CAPN13: variants seen among roughly 807,000 people sequenced by gnomAD.
The protein encoded by CAPN13 is calpain 13, also known as calpain-13.
A neutral mutation model predicts 98.4 loss-of-function variants in CAPN13; 90 were observed. That is an observed-to-expected ratio of 0.92 (90% confidence interval 0.77 to 1.09). The LOEUF is 1.09. Ranked by LOEUF, CAPN13 falls within the 50% of genes least tolerant of loss-of-function variation. The pLI is 0.00. For missense variants in CAPN13, 887 were observed against 841.3 expected (o/e 1.05, Z -0.67); for synonymous variants, 330 against 305.5 (o/e 1.08, Z -0.84).
intron 2 of CAPN13, among the ~76,000 whole-genome samples, chr2:30,781,014 C>A (rs1243062957): frequency 6.6e-6 from 1 of 152,224 alleles, no homozygotes; most frequent in East Asian, 1.9e-4. Flanking sequence ...AATGGGCAGT[C>A]TCCAGCCGAC....
At chr2:30,734,644 G>T in intron 18 of CAPN13, 120 bp from the exon 19 acceptor site, 1 of 750,326 alleles carries the variant, frequency 1.3e-6, no homozygotes, top group Non-Finnish European at 2.3e-6. Context: ...CAGCACTGAG[G>T]ACTGGGAGGA....
chr2:30,776,582 G>A (rs1179711894), intron 3 of CAPN13, among the ~76,000 whole-genome samples: 1 of 152,158 alleles, frequency 6.6e-6, no homozygotes, highest in African/African-American at 2.4e-5. Flanking sequence ...TACAATTGAG[G>A]AAAACTGATT....
intron 2 of CAPN13, among the ~76,000 whole-genome samples, chr2:30,782,712 G>A (rs537768172): frequency 1.6e-4 from 25 of 152,304 alleles, no homozygotes; most frequent in African/African-American, 5.8e-4. Context: ...GTTAAGCAAC[G>A]TGCTTGGGGC....
At chr2:30,724,561 C>A (rs887669792) in intron 22 of CAPN13, among the ~76,000 whole-genome samples, 1 of 152,148 alleles carries the variant, frequency 6.6e-6, no homozygotes, top group Non-Finnish European at 1.5e-5. Flanking sequence ...TTGGTTTATG[C>A]CCTTGGAGTG....
chr2:30,767,141 G>A (rs1271011854), intron 5 of CAPN13, among the ~76,000 whole-genome samples: 1 of 152,204 alleles, frequency 6.6e-6, no homozygotes. Context: ...ATCTGCATGT[G>A]ATCTTGGGCC....
chr2:30,764,424 G>T, intron 5 of CAPN13, 118 bp from the exon 6 acceptor site: 1 of 1,071,348 alleles, frequency 9.3e-7, no homozygotes, highest in Non-Finnish European at 1.3e-6. Context: ...GTCCACTCCT[G>T]ATCATGGCCA....
chr2:30,791,370 C>CAT (rs1558343848), intron 1 of CAPN13, among the ~76,000 whole-genome samples: 3 of 152,186 alleles, frequency 2.0e-5, no homozygotes, highest in African/African-American at 7.2e-5. Flanking sequence ...AGGCCTGGCA[C>CAT]ATAGTAGGTA....
intron 4 of CAPN13, among the ~76,000 whole-genome samples, chr2:30,771,510 A>G (rs12477136): frequency 0.59 from 89,545 of 152,106 alleles, 27,436 homozygotes; most frequent in African/African-American, 0.74. Flanking sequence ...GCACTGTGGC[A>G]GGTTCTGCAC....
chr2:30,786,302 A>G (rs577779762), intron 2 of CAPN13, among the ~76,000 whole-genome samples: 51 of 152,334 alleles, frequency 3.3e-4, no homozygotes, highest in Admixed American at 1.6e-3. Context: ...ATTCTAGGTT[A>G]TGCTGGTGCC....
intron 1 of CAPN13, among the ~76,000 whole-genome samples, chr2:30,796,387 T>G (rs903995661): frequency 9.9e-5 from 15 of 151,860 alleles, no homozygotes; most frequent in African/African-American, 3.4e-4. Context: ...TAGAATACAG[T>G]GTAGTAAATA....
intron 10 of CAPN13, among the ~76,000 whole-genome samples, chr2:30,751,709 A>C (rs17010141): frequency 0.084 from 12,859 of 152,264 alleles, 830 homozygotes; most frequent in East Asian, 0.24. Flanking sequence ...GAGCGAGCTA[A>C]TGTGAAAACC....
chr2:30,732,484 G>A lies in CAPN13; in HGVS notation c.1881C>T (p.Ser627=). 6.2e-7 allele frequency: 1 copy of A among 1,613,388 alleles called. No individual in the cohort carries two copies. Among genetic ancestry groups the A allele is most frequent in the East Asian group, 2.2e-5 (1 of 44,866 alleles). Residue 627 remains serine, a synonymous_variant, in exon 20 of 23, where the codon AGC becomes AGT. Transcript: ENST00000295055. ...TCAGGAAGCAGACCAGGCTGGGGAA[G>A]CTGACCCTGCCGACGCTGTCGCTGT... ...LRYSDSVGRV[S]FPSLVCFLMR...
intron 22 of CAPN13, among the ~76,000 whole-genome samples, 158 bp from the exon 23 acceptor site, chr2:30,723,394 A>T (rs1016282412): frequency 6.6e-6 from 1 of 152,166 alleles, no homozygotes; most frequent in African/African-American, 2.4e-5. Context: ...GGCAAGGCTG[A>T]CAGACCCCAA....
At chr2:30,802,835 G>A (rs550128806) in intron 1 of CAPN13, among the ~76,000 whole-genome samples, 1 of 152,308 alleles carries the variant, frequency 6.6e-6, no homozygotes, top group African/African-American at 2.4e-5. Flanking sequence ...CACCCCTCTT[G>A]CTGTCTGGCC....
intron 5 of CAPN13, among the ~76,000 whole-genome samples, chr2:30,765,222 C>G (rs1387436869): frequency 6.6e-6 from 1 of 152,146 alleles, no homozygotes; most frequent in Non-Finnish European, 1.5e-5. Flanking sequence ...CAGCTCCCAT[C>G]CATGGGGTGA....
intron 2 of CAPN13, among the ~76,000 whole-genome samples, chr2:30,779,891 T>C (rs1673899495): frequency 6.6e-6 from 1 of 152,060 alleles, no homozygotes; most frequent in Non-Finnish European, 1.5e-5. Context: ...ACAATTACTT[T>C]TGCACCAACC....
At chr2:30,761,542 A>C (rs1372592430) in intron 7 of CAPN13, among the ~76,000 whole-genome samples, 1 of 152,138 alleles carries the variant, frequency 6.6e-6, no homozygotes, top group African/African-American at 2.4e-5. Context: ...GGGTACACGA[A>C]TCCCTTCTCC....
chr2:30,757,363 C>T (rs72783026), intron 8 of CAPN13, among the ~76,000 whole-genome samples: 13,264 of 152,268 alleles, frequency 0.087, 839 homozygotes, highest in East Asian at 0.24. Flanking sequence ...AGCCCAGTTC[C>T]CTGGGGAAAG....
At chr2:30,750,878 C>T (rs1006241945) in intron 11 of CAPN13, among the ~76,000 whole-genome samples, 2 of 152,174 alleles carry the variant, frequency 1.3e-5, no homozygotes, top group South Asian at 2.1e-4. Flanking sequence ...ACAGGCGACA[C>T]GGGCAGGAGG....
Sources: gnomAD v4.1 joint callset for allele counts (sites outside exome capture counted in the v4.1 genomes callset) on GRCh38, gnomAD v4.1.1 for gene constraint, MANE v1.5 for transcripts, NCBI Gene and HGNC (gene_info 2026-07-23, HGNC 2026-07-21) for gene names.